Variants in JHY observed in about 807,000 individuals in gnomAD.
The protein encoded by JHY is junctional cadherin complex regulator.
Under a neutral mutation model 78.0 loss-of-function variants are expected in JHY, and 69 were observed. The ratio of observed to expected loss-of-function variants is 0.88; its 90% CI spans 0.73 to 1.08. JHY has a LOEUF of 1.08. Ranked by LOEUF, JHY falls within the 50% of genes least tolerant of loss-of-function variation. The probability of loss-of-function intolerance (pLI) is 0.00; values close to 1 mark genes in which losing one functional copy is unlikely to be tolerated. For missense variants in JHY, 944 were observed against 927.8 expected (o/e 1.02, Z -0.23); for synonymous variants, 368 against 342.6 (o/e 1.07, Z -0.82).
chr11:122,896,858 T>A (rs2135294035), intron 2 of JHY, among the ~76,000 whole-genome samples: 1 of 152,208 alleles, frequency 6.6e-6, no homozygotes, highest in African/African-American at 2.4e-5. Flanking sequence ...GTTTGTTTGT[T>A]TGTTTGTTTG....
intron 4 of JHY, among the ~76,000 whole-genome samples, chr11:122,926,122 A>G (rs1863493191): frequency 6.7e-6 from 1 of 149,102 alleles, no homozygotes; most frequent in African/African-American, 2.5e-5. Context: ...TGGGAGGTGG[A>G]AGTTGCAGTG....
chr11:122,890,073 C>A (rs903600704), intron 2 of JHY, among the ~76,000 whole-genome samples: 2 of 150,024 alleles, frequency 1.3e-5, no homozygotes, highest in Non-Finnish European at 3.0e-5. Context: ...TTTTTTCCAA[C>A]GAAACTTTAA....
intron 2 of JHY, among the ~76,000 whole-genome samples, chr11:122,887,601 G>T (rs543406520): frequency 6.6e-6 from 1 of 151,984 alleles, no homozygotes; most frequent in East Asian, 1.9e-4. Flanking sequence ...GATTACAGGC[G>T]TGAGCCACTG....
intron 3 of JHY, among the ~76,000 whole-genome samples, chr11:122,913,665 C>T (rs1863177136): frequency 6.6e-6 from 1 of 152,150 alleles, no homozygotes; most frequent in African/African-American, 2.4e-5. Context: ...AGATTCAGCT[C>T]ATATGTCTCT....
rs1396771789 is a variant in JHY, at chr11:122,934,901, C to G, written c.1460C>G (p.Thr487Ser). The change falls in exon 5 of 9, where the codon ACC (threonine) becomes AGC (serine). Residue 487 changes from threonine (T) to serine (S), a missense_variant. Physicochemically the swap from Thr to Ser is moderately conservative, Grantham distance 58. Transcript: ENST00000227349. ...EKRFSYQQLH[T>S]LSDMDLNNLN... is the part of the protein sequence containing the mutation. ...AGATTTTCATATCAGCAGCTACACA[C>G]CCTTTCTGACATGGATTTGAACAAC... 11 of 1,614,024 alleles carry G rather than the reference C, an allele frequency of 6.8e-6. No homozygotes were observed. The highest frequency in any genetic ancestry group is 8.5e-6 in the Non-Finnish European group (10 of 1,180,032).
chr11:122,944,128 C>T (rs947314988), intron 5 of JHY, among the ~76,000 whole-genome samples: 2 of 152,040 alleles, frequency 1.3e-5, no homozygotes, highest in African/African-American at 4.8e-5. Context: ...GCCCGTAAGT[C>T]AGAGGTTGCA....
At chr11:122,950,205 A>G (rs1477806610) in intron 6 of JHY, among the ~76,000 whole-genome samples, 1 of 152,166 alleles carries the variant, frequency 6.6e-6, no homozygotes, top group Non-Finnish European at 1.5e-5. Flanking sequence ...GTTAGGCTGT[A>G]AGGTACTATT....
At position 122,959,412 on chromosome 11, in the gene JHY, T is replaced by G; in HGVS notation, c.2304T>G (p.Ala768=). 2 of 1,614,140 alleles carry G rather than the reference T, an allele frequency of 1.2e-6. No individual in the cohort carries two copies. Among genetic ancestry groups the G allele is most frequent in the Non-Finnish European group, 8.5e-7 (1 of 1,180,002 alleles). ...ACAGACACGAAAGGGAAAAACAGGC[T>G]GTGGCTGCTTTCAAAGTCCTTCACA... ...LQNRHEREKQ[A]VAAFKVLHIV The change falls in exon 9 of 9, where the codon GCT becomes GCG. Residue 768 remains alanine, a synonymous_variant. Transcript: ENST00000227349.
chr11:122,933,516 T>C (rs967877586), intron 4 of JHY, among the ~76,000 whole-genome samples: 1 of 152,176 alleles, frequency 6.6e-6, no homozygotes, highest in African/African-American at 2.4e-5. Flanking sequence ...CAGGAGTACA[T>C]TTTGTTGTTA....
chr11:122,952,485 G>A (rs546746205), intron 6 of JHY, among the ~76,000 whole-genome samples: 16 of 152,248 alleles, frequency 1.1e-4, no homozygotes, highest in South Asian at 6.2e-4. Flanking sequence ...GAAAGGTCCC[G>A]TTGCTATAAG....
chr11:122,937,736 C>G (rs1041393363), intron 5 of JHY, among the ~76,000 whole-genome samples: 1 of 152,106 alleles, frequency 6.6e-6, no homozygotes, highest in Non-Finnish European at 1.5e-5. Flanking sequence ...TCACTCTTCT[C>G]CTTCGTCACC....
At chr11:122,928,822 G>A (rs1863570821) in intron 4 of JHY, among the ~76,000 whole-genome samples, 1 of 151,868 alleles carries the variant, frequency 6.6e-6, no homozygotes, top group South Asian at 2.1e-4. Context: ...CTAATTTTTT[G>A]TATTTTTAGT....
intron 4 of JHY, 37 bp downstream of exon 4, chr11:122,925,047 C>A (rs368571347): frequency 1.5e-5 from 22 of 1,425,406 alleles, no homozygotes; most frequent in South Asian, 2.3e-5. Flanking sequence ...GTGTTTCAAG[C>A]GATACTGCTG....
intron 4 of JHY, among the ~76,000 whole-genome samples, chr11:122,926,023 GA>G (rs60531071): frequency 0.038 from 4,985 of 131,578 alleles, 247 homozygotes; most frequent in African/African-American, 0.13. Context: ...TATCAAAAAA[GA>G]AAAAAAAAAA....
At chr11:122,910,291 A>C (rs1863084811) in intron 3 of JHY, among the ~76,000 whole-genome samples, 1 of 152,088 alleles carries the variant, frequency 6.6e-6, no homozygotes, top group African/African-American at 2.4e-5. Flanking sequence ...CCTGACCAAC[A>C]TGTGAAACCC....
At chr11:122,933,205 C>T (rs1242240974) in intron 4 of JHY, among the ~76,000 whole-genome samples, 2 of 152,170 alleles carry the variant, frequency 1.3e-5, no homozygotes, top group Non-Finnish European at 2.9e-5. Flanking sequence ...GTAATTTGAT[C>T]ATTCCTTCTA....
intron 4 of JHY, among the ~76,000 whole-genome samples, chr11:122,928,815 A>AT: frequency 6.6e-6 from 1 of 151,708 alleles, no homozygotes; most frequent in Non-Finnish European, 1.5e-5. Flanking sequence ...CGCCCGGCTA[A>AT]TTTTTTGTAT....
chr11:122,933,319 A>G (rs1243971208), intron 4 of JHY, among the ~76,000 whole-genome samples: 2 of 152,226 alleles, frequency 1.3e-5, no homozygotes, highest in Non-Finnish European at 2.9e-5. Context: ...AAAGGAAGAA[A>G]TATGTTGCAG....
chr11:122,916,400 C>T (rs999945236), intron 3 of JHY, among the ~76,000 whole-genome samples: 9 of 152,136 alleles, frequency 5.9e-5, no homozygotes, highest in Non-Finnish European at 8.8e-5. Context: ...TTTCACTTAA[C>T]GTATATAAAT....
Sources: gnomAD v4.1 joint callset for allele counts (sites outside exome capture counted in the v4.1 genomes callset) on GRCh38, gnomAD v4.1.1 for gene constraint, MANE v1.5 for transcripts, NCBI Gene and HGNC (gene_info 2026-07-23, HGNC 2026-07-21) for gene names.